Variants in SCAI observed in about 807,000 individuals in gnomAD.
The protein encoded by SCAI is suppressor of cancer cell invasion, also known as protein SCAI.
In SCAI, 24 loss-of-function variants were observed where a neutral mutation model predicts 92.2. That is an observed-to-expected ratio of 0.26 (90% CI 0.19 to 0.37). The LOEUF (loss-of-function observed/expected upper bound fraction) is 0.37, where lower values mean the gene tolerates loss of function less well. Among genes scored for constraint, SCAI ranks in the 10% least tolerant of loss-of-function variants. SCAI has a pLI of 1.00. For missense variants in SCAI, 450 were observed against 736.2 expected (o/e 0.61, Z 4.50); for synonymous variants, 261 against 258.6 (o/e 1.01, Z -0.09).
Position 125,041,482 on chromosome 9 carries a change from C to G in SCAI, c.231-11743G>C, listed in dbSNP as rs116906386. 3.6e-4 allele frequency among the ~76,000 whole-genome samples: 55 copies of G among 152,266 alleles called. 1 individual carries two copies. The East Asian group carries it at 9.8e-3, about 27-fold the overall frequency. ...TATCTAAAGTCTTTAGGCAATTTTT[C>G]AAGTAAGCACTTGCCTGCAAGTTCC... On this transcript the variant is annotated intron_variant, in intron 3 of 17. Transcript: ENST00000336505.
intron 2 of SCAI, among the ~76,000 whole-genome samples, chr9:125,082,736 C>T (rs1366651000): frequency 6.6e-6 from 1 of 152,244 alleles, no homozygotes; most frequent in African/African-American, 2.4e-5. Context: ...GACTGCCCTG[C>T]TGGATTTTGG....
intron 2 of SCAI, among the ~76,000 whole-genome samples, chr9:125,058,235 C>T (rs1412873912): frequency 2.0e-5 from 3 of 151,866 alleles, no homozygotes; most frequent in Admixed American, 6.6e-5. Flanking sequence ...GAAACTGGGC[C>T]AGGTACAGTG....
chr9:125,083,780 G>T (rs1834267486), intron 2 of SCAI, among the ~76,000 whole-genome samples: 1 of 152,050 alleles, frequency 6.6e-6, no homozygotes, highest in Non-Finnish European at 1.5e-5. Flanking sequence ...AGCAGTGAAA[G>T]AAATATCTGC....
chr9:124,955,989 T>G (rs1831309850), intron 17 of SCAI, among the ~76,000 whole-genome samples: 1 of 152,156 alleles, frequency 6.6e-6, no homozygotes, highest in African/African-American at 2.4e-5. Context: ...CTAAACAAAC[T>G]TTTTAAGAAA....
At chr9:125,094,822 C>G (rs1047077293) in intron 2 of SCAI, among the ~76,000 whole-genome samples, 1 of 152,122 alleles carries the variant, frequency 6.6e-6, no homozygotes, top group South Asian at 2.1e-4. Flanking sequence ...TATTATCTAT[C>G]TCCAAATATA....
intron 17 of SCAI, among the ~76,000 whole-genome samples, chr9:124,962,858 G>A (rs1188190873): frequency 1.0e-4 from 15 of 149,490 alleles, no homozygotes; most frequent in East Asian, 9.8e-4. Context: ...GAGTGCAGTC[G>A]CGCGATCTTG....
At chr9:125,089,689 G>C (rs618059) in intron 2 of SCAI, among the ~76,000 whole-genome samples, 35,863 of 151,774 alleles carry the variant, frequency 0.24, 4,787 homozygotes, top group Non-Finnish European at 0.31. Flanking sequence ...TTGGGGTTGG[G>C]GGGGGCAGTG....
intron 2 of SCAI, among the ~76,000 whole-genome samples, chr9:125,116,915 T>A (rs935154257): frequency 1.3e-5 from 2 of 152,210 alleles, no homozygotes; most frequent in Non-Finnish European, 2.9e-5. Context: ...CCCTTTCACT[T>A]ATCATATTTA....
At chr9:125,020,632 C>G in intron 7 of SCAI, 41 bp downstream of exon 7, 1 of 876,800 alleles carries the variant, frequency 1.1e-6, no homozygotes, top group Non-Finnish European at 1.8e-6. Context: ...CATCCATATA[C>G]AACTAGAGAT....
rs545752525 is a variant in SCAI, at chr9:125,071,741, G to C, written c.99-15734C>G. On this transcript the variant is annotated intron_variant, in intron 2 of 17. Coordinates refer to ENST00000336505, the MANE Select transcript of SCAI (RefSeq NM_001144877.3). ...CTGCAGTGAAAGGGAAAAAAGGCAG[G>C]AAAAAAAAAGAACACACAATTGCTT... Among the ~76,000 whole-genome samples, 99 of 151,206 alleles carry C rather than the reference G, an allele frequency of 6.5e-4. 1 individual carries two copies. The highest frequency in any genetic ancestry group is 1.6e-3 in the African/African-American group (64 of 41,262).
At chr9:125,133,131 T>C (rs1158863117) in intron 2 of SCAI, among the ~76,000 whole-genome samples, 2 of 152,208 alleles carry the variant, frequency 1.3e-5, no homozygotes, top group African/African-American at 4.8e-5. Context: ...GGCTGACACC[T>C]GTAATCCTAG....
intron 14 of SCAI, among the ~76,000 whole-genome samples, chr9:124,976,516 A>G (rs1239565215): frequency 6.6e-6 from 1 of 152,256 alleles, no homozygotes; most frequent in Non-Finnish European, 1.5e-5. Flanking sequence ...ACTTATATAT[A>G]TAAAGGTGAA....
intron 14 of SCAI, among the ~76,000 whole-genome samples, chr9:124,991,119 G>A (rs547835559): frequency 6.6e-6 from 1 of 152,264 alleles, no homozygotes; most frequent in South Asian, 2.1e-4. Context: ...TTGGAAGGCC[G>A]AGGTGGGTGG....
Position 125,120,308 on chromosome 9 carries a change from T to A in SCAI, c.98+22325A>T, listed in dbSNP as rs141479627. Among the ~76,000 whole-genome samples, 21 of 152,282 alleles carry A rather than the reference T, an allele frequency of 1.4e-4. No homozygotes were observed. In the East Asian group the frequency reaches 3.3e-3, roughly 24 times the overall value. ...TGTAAAAAACAAGGAGTAAAGAGAT[T>A]AAAGACAATAACCTGGAGTTTCTCC... On this transcript the variant is annotated intron_variant, in intron 2 of 17. Transcript: ENST00000336505.
chr9:125,019,423 G>A (rs1347822112), intron 7 of SCAI, among the ~76,000 whole-genome samples: 1 of 151,978 alleles, frequency 6.6e-6, no homozygotes, highest in South Asian at 2.1e-4. Flanking sequence ...TCTTTACAGA[G>A]ATCTACTTCC....
rs144494849 is a variant in SCAI at position 124,967,923 on chromosome 9, A to G, written c.1674+3447T>C. ...CAGGTTAACCAGTTGCTCTTCATGT[A>G]CTTCTTGCAGTAAGTCCTTCAAAGA... On this transcript the variant is annotated intron_variant, in intron 17 of 17. Transcript: ENST00000336505. Among the ~76,000 whole-genome samples, 261 of 152,346 alleles carry G rather than the reference A, an allele frequency of 1.7e-3. 1 individual carries two copies. Among genetic ancestry groups the G allele is most frequent in the African/African-American group, 6.1e-3 (254 of 41,582 alleles).
intron 17 of SCAI, among the ~76,000 whole-genome samples, chr9:124,961,323 G>A (rs1350965226): frequency 6.6e-6 from 1 of 151,484 alleles, no homozygotes; most frequent in Admixed American, 6.6e-5. Flanking sequence ...GTGTTTGTGG[G>A]TGACGTCCGC....
intron 2 of SCAI, among the ~76,000 whole-genome samples, chr9:125,115,370 CAAA>C (rs58814200): frequency 1.3e-3 from 67 of 52,424 alleles, no homozygotes; most frequent in Admixed American, 2.1e-3. Flanking sequence ...AGACTCTCCT[CAAA>C]AAAAAAAAAA....
chr9:124,954,249 A>G (rs1831279891), intron 17 of SCAI, among the ~76,000 whole-genome samples: 4 of 152,254 alleles, frequency 2.6e-5, no homozygotes. Context: ...TTAATATCAA[A>G]TGGAACAAAC....
Sources: gnomAD v4.1 joint callset for allele counts (sites outside exome capture counted in the v4.1 genomes callset) on GRCh38, gnomAD v4.1.1 for gene constraint, MANE v1.5 for transcripts, NCBI Gene and HGNC (gene_info 2026-07-23, HGNC 2026-07-21) for gene names.